Variants in NRG3 observed in about 807,000 individuals in gnomAD.
The protein encoded by NRG3 is pro-neuregulin-3, membrane-bound isoform.
NRG3 carries 31 observed loss-of-function variants against 66.9 expected under a neutral mutation model. The ratio of observed to expected loss-of-function variants is 0.46; its 90% confidence interval spans 0.35 to 0.63. The LOEUF (loss-of-function observed/expected upper bound fraction) is 0.63, where lower values mean the gene tolerates loss of function less well. Ranked by LOEUF, NRG3 falls within the 20% of genes least tolerant of loss-of-function variation. The probability of loss-of-function intolerance (pLI) is 0.00; values close to 1 mark genes in which losing one functional copy is unlikely to be tolerated. For missense variants in NRG3, 910 were observed against 878.9 expected, an observed-to-expected ratio of 1.04 and a Z score of -0.45; for synonymous variants, 393 against 359.4, an observed-to-expected ratio of 1.09 and a Z score of -1.06.
At chr10:82,703,428 A>C (rs1464897034) in intron 2 of NRG3, among the ~76,000 whole-genome samples, 1 of 152,096 alleles carries the variant, frequency 6.6e-6, no homozygotes, top group Non-Finnish European at 1.5e-5. Context: ...GGAGCTAGCT[A>C]CCCCAAATCA....
chr10:82,386,633 T>G (rs1027566567), intron 2 of NRG3, among the ~76,000 whole-genome samples: 1 of 152,196 alleles, frequency 6.6e-6, no homozygotes, highest in Admixed American at 6.5e-5. Flanking sequence ...ATATTGAAGA[T>G]ATTTTTACTA....
intron 2 of NRG3, among the ~76,000 whole-genome samples, chr10:82,473,417 C>T (rs1841459577): frequency 6.6e-6 from 1 of 152,140 alleles, no homozygotes; most frequent in Non-Finnish European, 1.5e-5. Flanking sequence ...TTAAAAGAGT[C>T]AACAGACTGG....
At chr10:82,366,578 A>G (rs543426133) in intron 2 of NRG3, among the ~76,000 whole-genome samples, 14 of 152,238 alleles carry the variant, frequency 9.2e-5, no homozygotes, top group Admixed American at 7.9e-4. Flanking sequence ...TTCCTTTCCT[A>G]CTTAATCAGC....
At chr10:82,493,250 C>G (rs1240210267) in intron 2 of NRG3, among the ~76,000 whole-genome samples, 1 of 152,082 alleles carries the variant, frequency 6.6e-6, no homozygotes, top group Non-Finnish European at 1.5e-5. Context: ...CCAGGATACA[C>G]TAGCTATTTT....
chr10:82,003,172 G>A (rs548490045), intron 1 of NRG3, among the ~76,000 whole-genome samples: 1 of 152,234 alleles, frequency 6.6e-6, no homozygotes, highest in Admixed American at 6.5e-5. Flanking sequence ...CTTGATTTAT[G>A]GGTAGGTGGC....
At chr10:82,977,153 A>G (rs889077435) in intron 7 of NRG3, among the ~76,000 whole-genome samples, 2 of 152,124 alleles carry the variant, frequency 1.3e-5, no homozygotes, top group Non-Finnish European at 2.9e-5. Flanking sequence ...TCTAGCATCC[A>G]AGGCTTCAGG....
chr10:82,934,668 T>G (rs1319005924), intron 4 of NRG3, among the ~76,000 whole-genome samples: 1 of 152,192 alleles, frequency 6.6e-6, no homozygotes, highest in Non-Finnish European at 1.5e-5. Flanking sequence ...TTGTTTCTCA[T>G]CTAGCATCCT....
At chr10:82,240,346 A>ATGAAG (rs1381587972) in intron 1 of NRG3, among the ~76,000 whole-genome samples, 17 of 152,344 alleles carry the variant, frequency 1.1e-4, no homozygotes, top group African/African-American at 4.1e-4. Context: ...TTTTCCAAAT[A>ATGAAG]TGAAGATGAA....
At chr10:82,490,882 A>T (rs531177912) in intron 2 of NRG3, among the ~76,000 whole-genome samples, 73 of 152,258 alleles carry the variant, frequency 4.8e-4, no homozygotes, top group Admixed American at 1.1e-3. Context: ...CTAAATATTT[A>T]ATGGGATTTC....
chr10:82,396,159 TG>T (rs1244008199), intron 2 of NRG3, among the ~76,000 whole-genome samples: 5 of 152,182 alleles, frequency 3.3e-5, no homozygotes, highest in African/African-American at 1.2e-4. Flanking sequence ...GAGATTTTCA[TG>T]GTGTGAAATA....
chr10:82,617,853 C>A (rs567978218), intron 2 of NRG3, among the ~76,000 whole-genome samples: 1 of 152,130 alleles, frequency 6.6e-6, no homozygotes, highest in Non-Finnish European at 1.5e-5. Context: ...CCGGCAAATG[C>A]GTCTAATGTG....
At chr10:82,081,909 G>A (rs541337321) in intron 1 of NRG3, among the ~76,000 whole-genome samples, 51 of 152,276 alleles carry the variant, frequency 3.3e-4, no homozygotes, top group Non-Finnish European at 6.8e-4. Context: ...AGTCCCAAAT[G>A]CTAGAGAGGC....
chr10:82,183,390 G>T (rs2073565602), intron 1 of NRG3, among the ~76,000 whole-genome samples: 1 of 151,626 alleles, frequency 6.6e-6, no homozygotes, highest in South Asian at 2.1e-4. Context: ...CTTTCTTTGG[G>T]TTCGTTAACT....
chr10:82,346,953 T>C (rs968954663), intron 1 of NRG3, among the ~76,000 whole-genome samples: 18 of 152,146 alleles, frequency 1.2e-4, no homozygotes, highest in Admixed American at 6.5e-5. Context: ...GATTCTTCTC[T>C]CTTTTTTTCT....
intron 4 of NRG3, among the ~76,000 whole-genome samples, chr10:82,898,128 G>A (rs1843839314): frequency 1.3e-5 from 2 of 152,186 alleles, no homozygotes; most frequent in African/African-American, 4.8e-5. Context: ...ATGAGAGATA[G>A]CAGTTGATAG....
intron 1 of NRG3, among the ~76,000 whole-genome samples, chr10:82,147,272 A>G (rs954516204): frequency 6.6e-6 from 1 of 152,158 alleles, no homozygotes; most frequent in Non-Finnish European, 1.5e-5. Flanking sequence ...ATTTGTCTGG[A>G]ACCACAGCTA....
intron 7 of NRG3, among the ~76,000 whole-genome samples, chr10:82,975,485 T>C (rs7092994): frequency 0.36 from 55,319 of 152,040 alleles, 10,588 homozygotes; most frequent in East Asian, 0.66. Flanking sequence ...TAGGAGTCAC[T>C]CACAGATTAA....
At chr10:82,546,796 G>T (rs2043946181) in intron 2 of NRG3, among the ~76,000 whole-genome samples, 1 of 152,030 alleles carries the variant, frequency 6.6e-6, no homozygotes. Context: ...ATAAATGCAG[G>T]GCAAATCAAA....
chr10:82,914,348 C>G (rs1222325586), intron 4 of NRG3, among the ~76,000 whole-genome samples: 1 of 151,866 alleles, frequency 6.6e-6, no homozygotes, highest in East Asian at 1.9e-4. Flanking sequence ...TTTTAGCATA[C>G]CTTGTAGTTT....
Sources: allele counts gnomAD v4.1 joint callset (sites outside exome capture counted in the v4.1 genomes callset), GRCh38; gene constraint gnomAD v4.1.1; transcripts MANE v1.5; gene names NCBI Gene and HGNC (gene_info 2026-07-23, HGNC 2026-07-21).